The following HEATR5B variants were observed in gnomAD, a reference collection of about 807,000 sequenced individuals.
HEATR5B encodes HEAT repeat-containing protein 5B.
A neutral mutation model predicts 224.1 loss-of-function variants in HEATR5B; 156 were observed. That is an observed-to-expected ratio of 0.70 (90% CI 0.61 to 0.80). HEATR5B has a LOEUF of 0.80. Among genes scored for constraint, HEATR5B ranks in the 30% least tolerant of loss-of-function variants. The pLI is 0.00. For synonymous variants in HEATR5B, 1,027 were observed against 893.0 expected (o/e 1.15, Z -2.68); for missense variants, 2,323 against 2,535.5 (o/e 0.92, Z 1.80).
intron 3 of HEATR5B, 85 bp from the exon 4 acceptor site, chr2:37,077,104 T>G: frequency 1.7e-6 from 2 of 1,168,562 alleles, no homozygotes; most frequent in South Asian, 2.6e-5. Context: ...CAATTTGCAT[T>G]TGTCTAGGAC....
intron 18 of HEATR5B, among the ~76,000 whole-genome samples, chr2:37,043,468 C>T (rs928120621): frequency 8.5e-5 from 13 of 152,180 alleles, no homozygotes; most frequent in African/African-American, 2.4e-4. Context: ...AAAGCTTTAG[C>T]GAAAAAATAA....
intron 35 of HEATR5B, among the ~76,000 whole-genome samples, chr2:36,987,110 C>A: frequency 6.6e-6 from 1 of 152,078 alleles, no homozygotes; most frequent in East Asian, 1.9e-4. Flanking sequence ...TCTTAGGAAT[C>A]TGACAGAAAT....
intron 31 of HEATR5B, among the ~76,000 whole-genome samples, chr2:37,002,856 T>C (rs566613965): frequency 6.6e-5 from 10 of 152,198 alleles, no homozygotes; most frequent in East Asian, 1.9e-4. Context: ...CCAGATGAAA[T>C]TGACAAAAGG....
chr2:37,016,090 C>T (rs1668095976), intron 26 of HEATR5B, among the ~76,000 whole-genome samples: 1 of 148,978 alleles, frequency 6.7e-6, no homozygotes, highest in South Asian at 2.1e-4. Context: ...CCTTTAACAA[C>T]AATAATTACA....
chr2:37,071,342 T>TA (rs2148588412), intron 6 of HEATR5B, among the ~76,000 whole-genome samples: 1 of 152,288 alleles, frequency 6.6e-6, no homozygotes, highest in Admixed American at 6.5e-5. Flanking sequence ...CAGCATCTGC[T>TA]CACAGGCACC....
intron 4 of HEATR5B, 128 bp downstream of exon 4, chr2:37,076,783 A>C: frequency 4.6e-6 from 3 of 645,940 alleles, no homozygotes. Context: ...GACAAGTAAT[A>C]ATTTGTAATT....
rs1286672797 is a variant in HEATR5B at position 37,053,417 on chromosome 2, CATT to C, written c.2505+82_2505+84del. ...AGTTACCAAGTGATTTACATATAAA[CATT>C]ATAATAATCTTGCTATGTCTGGCTT... On this transcript the variant is annotated intron_variant, in intron 17 of 35. Coordinates refer to ENST00000233099, the MANE Select transcript of HEATR5B (RefSeq NM_019024.3). 3 of 642,072 alleles carry C rather than the reference CATT, an allele frequency of 4.7e-6. 1 individual carries two copies. In the African/African-American group the frequency reaches 5.5e-5, roughly 12 times the overall value. 39.8% of individuals were successfully genotyped at this position (642,072 alleles called of 1,614,324 possible).
intron 2 of HEATR5B, 64 bp downstream of exon 2, chr2:37,083,225 T>C: frequency 6.3e-7 from 1 of 1,581,592 alleles, no homozygotes; most frequent in South Asian, 1.1e-5. Flanking sequence ...TGTGTTTTCT[T>C]AAGAATCATG....
intron 35 of HEATR5B, among the ~76,000 whole-genome samples, chr2:36,988,252 G>T (rs1388085994): frequency 6.6e-6 from 1 of 151,484 alleles, no homozygotes; most frequent in Non-Finnish European, 1.5e-5. Flanking sequence ...AGAAGCAAAG[G>T]CCTGGTTTTT....
At chr2:37,002,262 C>T (rs1216841677) in intron 32 of HEATR5B, 44 bp downstream of exon 32, 1 of 1,597,498 alleles carries the variant, frequency 6.3e-7, no homozygotes, top group Non-Finnish European at 8.6e-7. Flanking sequence ...TCATCTTTGT[C>T]TACTGTAATA....
chr2:37,039,861 C>G (rs575904679), intron 20 of HEATR5B, among the ~76,000 whole-genome samples: 3 of 152,178 alleles, frequency 2.0e-5, no homozygotes, highest in Non-Finnish European at 4.4e-5. Context: ...CTTATCTTCT[C>G]GCAGTTTACT....
chr2:37,042,099 T>C (rs890163693), intron 18 of HEATR5B, among the ~76,000 whole-genome samples: 2 of 152,066 alleles, frequency 1.3e-5, no homozygotes, highest in Non-Finnish European at 2.9e-5. Flanking sequence ...AACATTACTT[T>C]AAAAAATAAG....
chr2:36,983,722 C>T (rs528225605), intron 35 of HEATR5B, among the ~76,000 whole-genome samples: 1 of 151,202 alleles, frequency 6.6e-6, no homozygotes, highest in South Asian at 2.1e-4. Context: ...AGCGAGACTC[C>T]CTTTCAAAAA....
chr2:37,010,873 T>G (rs986128830), intron 27 of HEATR5B, among the ~76,000 whole-genome samples: 1 of 151,978 alleles, frequency 6.6e-6, no homozygotes, highest in African/African-American at 2.4e-5. Flanking sequence ...GTAGGCACCT[T>G]TTGCCTTGAA....
chr2:36,981,541 G>A lies in HEATR5B; in HGVS notation c.6165C>T (p.Ala2055=), dbSNP rs762172461. Residue 2055 remains alanine (A), a synonymous_variant, in exon 36 of 36, where the codon GCC becomes GCT. Transcript: ENST00000233099. The part of the protein sequence containing the change: ...SKAKAAARQP[A]PAIHSAPTIK... Reference sequence around the variant, plus strand: ...TTGTTGGTGCAGAATGTATGGCGGGGGCTGGTTGTCTGGCAGCCGCTTTAG... The same window carrying A: ...TTGTTGGTGCAGAATGTATGGCGGGAGCTGGTTGTCTGGCAGCCGCTTTAG... 3.7e-6 allele frequency: 6 copies of A among 1,613,860 alleles called. No individual in the cohort carries two copies. Among genetic ancestry groups the A allele is most frequent in the Middle Eastern group, 1.6e-4 (1 of 6,082 alleles).
chr2:37,002,715 C>A (rs910721015), intron 31 of HEATR5B, 143 bp from the exon 32 acceptor site: 3 of 814,076 alleles, frequency 3.7e-6, no homozygotes, highest in South Asian at 1.8e-5. Context: ...TAATTCTCTG[C>A]CTCCCTAGAA....
At position 37,034,197 on chromosome 2, in the gene HEATR5B, G is replaced by A. The variant is rs187687495; in HGVS notation, c.3217-1424C>T. ...AATTTTTTGTATTTTTAGTAGAGAT[G>A]GGGTTTCACCGTGTTAGTCAGGATG... On this transcript the variant is annotated intron_variant, in intron 21 of 35. Transcript: ENST00000233099. Among the ~76,000 whole-genome samples the A allele has an allele frequency of 6.9e-3, 1,041 of 151,026 alleles. 12 individuals carry two copies. The highest frequency in any genetic ancestry group is 0.024 in the African/African-American group (998 of 41,268).
chr2:37,044,387 G>C (rs1237167818), intron 18 of HEATR5B, among the ~76,000 whole-genome samples: 1 of 152,058 alleles, frequency 6.6e-6, no homozygotes, highest in African/African-American at 2.4e-5. Flanking sequence ...TTTGGGGTCT[G>C]GATTATTTTA....
intron 31 of HEATR5B, among the ~76,000 whole-genome samples, chr2:37,003,310 T>C (rs1257282077): frequency 6.8e-6 from 1 of 146,958 alleles, no homozygotes; most frequent in African/African-American, 2.5e-5. Context: ...TGGTGGAGTG[T>C]GCCTATAGTC....
Sources: gnomAD v4.1 joint callset for allele counts (sites outside exome capture counted in the v4.1 genomes callset) on GRCh38, gnomAD v4.1.1 for gene constraint, MANE v1.5 for transcripts, NCBI Gene and HGNC (gene_info 2026-07-23, HGNC 2026-07-21) for gene names.